Variants in PI4KA observed in about 807,000 individuals in gnomAD.
PI4KA encodes phosphatidylinositol 4-kinase alpha, also known as PI4-kinase alpha.
Under a neutral mutation model 271.4 loss-of-function variants are expected in PI4KA, and 122 were observed. That is an observed-to-expected ratio of 0.45 (90% confidence interval 0.39 to 0.52). The LOEUF (loss-of-function observed/expected upper bound fraction) is 0.52. Ranked by LOEUF, PI4KA falls within the 20% of genes least tolerant of loss-of-function variation. The pLI is 0.00. For synonymous variants in PI4KA, 1,041 were observed against 1,078.8 expected, an observed-to-expected ratio of 0.96 and a Z score of 0.69; for missense variants, 1,969 against 2,769.1, an observed-to-expected ratio of 0.71 and a Z score of 6.48.
At chr22:20,827,222 T>A (rs1475376724) in intron 3 of PI4KA, among the ~76,000 whole-genome samples, 1 of 152,186 alleles carries the variant, frequency 6.6e-6, no homozygotes, top group African/African-American at 2.4e-5. Flanking sequence ...CTTCAGTTGA[T>A]TTTTGTATAA....
At chr22:20,765,899 T>C (rs1433137034) in intron 19 of PI4KA, among the ~76,000 whole-genome samples, 4 of 152,120 alleles carry the variant, frequency 2.6e-5, no homozygotes, top group Admixed American at 6.5e-5. Context: ...GTGCACCAGG[T>C]GCTGTGCCAG....
At chr22:20,839,044 C>A (rs1271901894) in intron 1 of PI4KA, among the ~76,000 whole-genome samples, 1 of 152,152 alleles carries the variant, frequency 6.6e-6, no homozygotes, top group Non-Finnish European at 1.5e-5. Flanking sequence ...TGGTGAAACC[C>A]CATCTCTACT....
intron 28 of PI4KA, among the ~76,000 whole-genome samples, chr22:20,747,912 T>C (rs1029536947): frequency 6.6e-6 from 1 of 151,868 alleles, no homozygotes; most frequent in Admixed American, 6.6e-5. Context: ...TTTTGCAATT[T>C]TTTTTGTAGA....
intron 4 of PI4KA, among the ~76,000 whole-genome samples, chr22:20,823,126 C>T (rs1922930077): frequency 6.6e-6 from 1 of 152,050 alleles, no homozygotes. Flanking sequence ...GTTGGCCAGG[C>T]TGGTCTCAAA....
intron 14 of PI4KA, among the ~76,000 whole-genome samples, chr22:20,800,224 C>T (rs1935218185): frequency 6.6e-6 from 1 of 152,336 alleles, no homozygotes; most frequent in South Asian, 2.1e-4. Context: ...TCCTAGCTCT[C>T]CACATCTGTT....
chr22:20,744,676 G>A lies in PI4KA; in HGVS notation c.3408C>T (p.Tyr1136=). 1 of 1,614,228 alleles carries A rather than the reference G, an allele frequency of 6.2e-7. No homozygotes were observed. The highest frequency in any genetic ancestry group is 8.5e-7 in the Non-Finnish European group (1 of 1,180,034). The change falls in exon 30 of 55, where the codon TAC becomes TAT. Residue 1136 remains tyrosine, a synonymous_variant. Coordinates refer to ENST00000255882, the MANE Select transcript of PI4KA (RefSeq NM_058004.4). ...SERPACVKKD[Y]SNFMASLNLR... ...GATTCAGGGATGCCATGAAGTTGGAGTAGTCTTTCTTCACACAGGCCGGGC... is the reference window on the plus strand; with the variant it reads ...GATTCAGGGATGCCATGAAGTTGGAATAGTCTTTCTTCACACAGGCCGGGC...
rs1338698528 is a variant in PI4KA, at chr22:20,712,713, C to T, written c.5656G>A (p.Val1886Met). The T allele has an allele frequency of 1.9e-6, 3 of 1,550,156 alleles. No individual in the cohort carries two copies. The highest frequency in any genetic ancestry group is 1.7e-6 in the Non-Finnish European group (2 of 1,147,018). The stretch of plus-strand genomic sequence containing the variant: ...CTTACCCCAGGGGCAGTGGCCACCA[C>T]GCGGTAGGGAAAAACAAAGAGGTCC... The part of the protein sequence containing the change: ...GLDLFVFPYR[V>M]VATAPGCGVI... The change falls in exon 49 of 55, where the codon GTG becomes ATG. Residue 1886 changes from valine (V) to methionine (M), a missense_variant. Val to Met is a conservative substitution (Grantham distance 21). This residue lies in a region of PI4KA where 110 missense variants were observed against 349.8 expected (regional missense o/e 0.31). Transcript: ENST00000255882.
In PI4KA at chr22:20,805,073, C is replaced by A. The variant is rs531665453; in HGVS notation, c.1261G>T (p.Ala421Ser). The A allele has an allele frequency of 1.9e-6, 3 of 1,613,848 alleles. No individual in the cohort carries two copies. The Admixed American group carries it at 5.0e-5, about 27-fold the overall frequency. ...QGELQKILHD[A>S]DRIHNELSPL... ...CTCAGCTCATTGTGGATCCGGTCTG[C>A]GTCATGTAGAATCTTCTGGAGCTCC... Residue 421 changes from alanine (A) to serine (S), a missense_variant, in exon 11 of 55, where the codon GCA (alanine) becomes TCA (serine). By Grantham distance (99) the Ala-to-Ser change is moderately conservative. Coordinates refer to ENST00000255882, the MANE Select transcript of PI4KA (RefSeq NM_058004.4).
chr22:20,799,772 G>A lies in PI4KA; in HGVS notation c.1725-6C>T, dbSNP rs774778387. 1.1e-5 allele frequency: 17 copies of A among 1,544,780 alleles called. No individual in the cohort carries two copies. Among genetic ancestry groups the A allele is most frequent in the Non-Finnish European group, 1.4e-5 (16 of 1,142,070 alleles). Reference sequence around the variant, plus strand: ...TCAATCCAGCCTTCAGGCACCTGAGGAGCAAGAAAACCCATGTGGCACTGA... The same window carrying A: ...TCAATCCAGCCTTCAGGCACCTGAGAAGCAAGAAAACCCATGTGGCACTGA... On this transcript the variant is annotated splice_region_variant and splice_polypyrimidine_tract_variant and intron_variant, in intron 14 of 54. Transcript: ENST00000255882.
chr22:20,752,954 T>G lies in PI4KA; in HGVS notation c.2936A>C (p.His979Pro). ...QFLLVNFNHI[H>P]KRIRRVADKY... ...GTCTGCCACCCTCCTTATCCTCTTG[T>G]GGATGTGGTTGAAGTTCACCAACAG... is the stretch of plus-strand genomic sequence containing the variant. The change falls in exon 25 of 55, where the codon CAC becomes CCC. Residue 979 changes from histidine to proline, a missense_variant. By Grantham distance (77) the His-to-Pro change is moderately conservative (BLOSUM62 -2). Around this residue, in one of 13 missense-constraint regions of PI4KA, gnomAD observed 368 missense variants for 544.3 expected, o/e 0.68. Coordinates refer to ENST00000255882, the MANE Select transcript of PI4KA (RefSeq NM_058004.4). 4 of 1,614,160 alleles carry G rather than the reference T, an allele frequency of 2.5e-6. No homozygotes were observed. The highest frequency in any genetic ancestry group is 3.4e-6 in the Non-Finnish European group (4 of 1,179,956).
Position 20,803,664 on chromosome 22 carries a change from G to A in PI4KA, c.1462-344C>T, listed in dbSNP as rs183103541. 2.0e-5 allele frequency among the ~76,000 whole-genome samples: 3 copies of A among 152,132 alleles called. No homozygotes were observed. In the East Asian group the frequency reaches 5.8e-4, roughly 29 times the overall value. ...CTCAGCCTCCTGAGTAGCTGGGACTGTAGGCACACACCATCATCCCTAACT... is the reference window on the plus strand; with the variant it reads ...CTCAGCCTCCTGAGTAGCTGGGACTATAGGCACACACCATCATCCCTAACT... On this transcript the variant is annotated intron_variant, in intron 12 of 54. Transcript: ENST00000255882.
rs142888155 is a variant in PI4KA, at chr22:20,734,480, T to C, written c.3815A>G (p.Lys1272Arg). Residue 1272 changes from lysine (K) to arginine (R), a missense_variant, in exon 33 of 55, where the codon AAG (lysine) becomes AGG (arginine). Around this residue, in one of 13 missense-constraint regions of PI4KA, gnomAD observed 203 missense variants for 256.8 expected, o/e 0.79. Coordinates refer to ENST00000255882, the MANE Select transcript of PI4KA (RefSeq NM_058004.4). Reference sequence around the variant, plus strand: ...CGAGGCAGCCAGGGGGTCTGCTTCCTTTATCTCAGCAGAAAACAGGCCAAA... The same window carrying C: ...CGAGGCAGCCAGGGGGTCTGCTTCCCTTATCTCAGCAGAAAACAGGCCAAA... ...QKFGLFSAEI[K>R]EADPLAASEA... 17 of 1,613,630 alleles carry C rather than the reference T, an allele frequency of 1.1e-5. No homozygotes were observed. The highest frequency in any genetic ancestry group is 8.0e-5 in the African/African-American group (6 of 74,818).
intron 32 of PI4KA, chr22:20,736,708 C>A (rs1470989220): frequency 6.4e-6 from 1 of 155,548 alleles, no homozygotes; most frequent in African/African-American, 2.4e-5. Flanking sequence ...AGGGACCTTG[C>A]TGGCATCTAC....
In PI4KA at chr22:20,784,390, G is replaced by C; in HGVS notation, c.2328+8803C>G. 3.5e-6 allele frequency: 4 copies of C among 1,138,604 alleles called. No homozygotes were observed. The South Asian group carries it at 5.5e-5, about 16-fold the overall frequency. The allele number at this position is 1,138,604 out of a possible 1,614,324, so 70.5% of individuals were successfully genotyped here. ...CATACAGGGCCACTCTGTTAATTCA[G>C]CCCCAATTTGTTGCTTGAGATAAGA... On this transcript the variant is annotated intron_variant, in intron 19 of 54. Coordinates refer to ENST00000255882, the MANE Select transcript of PI4KA (RefSeq NM_058004.4).
chr22:20,850,902 C>T (rs1926885924), intron 1 of PI4KA, among the ~76,000 whole-genome samples: 1 of 151,892 alleles, frequency 6.6e-6, no homozygotes, highest in East Asian at 1.9e-4. Flanking sequence ...TTTACTTAGC[C>T]AGGTACAATG....
At chr22:20,710,477 G>A (rs1385460896) in intron 52 of PI4KA, 18 of 592,420 alleles carry the variant, frequency 3.0e-5, no homozygotes, top group Non-Finnish European at 5.2e-5. Flanking sequence ...GGCTGAAGGC[G>A]TGGGCAGGAT....
chr22:20,723,714 C>G (rs536393357), intron 42 of PI4KA, among the ~76,000 whole-genome samples: 39 of 152,152 alleles, frequency 2.6e-4, no homozygotes, highest in African/African-American at 9.4e-4. Flanking sequence ...GCTTGTAATC[C>G]TAGCTACTCG....
intron 28 of PI4KA, among the ~76,000 whole-genome samples, chr22:20,748,219 C>T (rs916789576): frequency 1.3e-5 from 2 of 152,248 alleles, no homozygotes. Flanking sequence ...ATTCCCCGAG[C>T]GGCTGTCATG....
chr22:20,743,033 T>C lies in PI4KA; in HGVS notation c.3457-269A>G. The C allele has an allele frequency of 8.1e-6, 4 of 493,760 alleles. No individual in the cohort carries two copies. The South Asian group carries it at 1.0e-4, about 12-fold the overall frequency. 30.6% of individuals were successfully genotyped at this position (493,760 alleles called of 1,614,324 possible). On this transcript the variant is annotated intron_variant, in intron 30 of 54. Transcript: ENST00000255882. ...CCAAGGGTGGGAACCTTGTCCCTCA[T>C]CATTGTACCCAGCAGTGAGCCCGGG...
Sources: gnomAD v4.1 joint callset for allele counts (sites outside exome capture counted in the v4.1 genomes callset) on GRCh38, gnomAD v4.1.1 for gene constraint, gnomAD v4.1.1 regional missense constraint, MANE v1.5 for transcripts, NCBI Gene and HGNC (gene_info 2026-07-23, HGNC 2026-07-21) for gene names.